RFX8: variants seen among roughly 807,000 people sequenced by gnomAD.
RFX8 encodes the protein regulatory factor X8.
In RFX8, 46 loss-of-function variants were observed where a neutral mutation model predicts 54.6. That is an observed-to-expected ratio of 0.84 (90% CI 0.67 to 1.08). The LOEUF (loss-of-function observed/expected upper bound fraction) is 1.08. RFX8 is among the 50% of genes least tolerant of loss of function. The probability of loss-of-function intolerance (pLI) is 0.00; values close to 1 mark genes in which losing one functional copy is unlikely to be tolerated. For synonymous variants in RFX8, 192 were observed against 209.5 expected (o/e 0.92, Z 0.72); for missense variants, 536 against 562.3 (o/e 0.95, Z 0.47).
At position 101,413,218 on chromosome 2, in the gene RFX8, G is replaced by C. The variant is rs1444667645; in HGVS notation, c.562-147C>G. 12 of 681,686 alleles carry C rather than the reference G, an allele frequency of 1.8e-5. 1 individual carries two copies. The highest frequency in any genetic ancestry group is 3.7e-4 in the Middle Eastern group (1 of 2,712). 42.2% of individuals were successfully genotyped at this position (681,686 alleles called of 1,614,324 possible). A position where few individuals can be genotyped will look rare whatever the true frequency, so the allele number is the denominator to read the frequency against. ...CCCATTAAAAATGAATCTTAAACAA[G>C]AATGAAAAGGTTAAAATTGCACACA... On this transcript the variant is annotated intron_variant, in intron 7 of 11. Transcript: ENST00000428343.
At chr2:101,414,419 C>T (rs1406747201) in intron 7 of RFX8, among the ~76,000 whole-genome samples, 1 of 147,246 alleles carries the variant, frequency 6.8e-6, no homozygotes. Context: ...GCACACACCA[C>T]CATGCCCAGC....
rs527732792 is a variant in RFX8, at chr2:101,454,082, G to A, written c.72+12695C>T. On this transcript the variant is annotated intron_variant, in intron 2 of 11. Coordinates refer to ENST00000428343, the MANE Select transcript of RFX8 (RefSeq NM_001145664.2). Reference sequence around the variant, plus strand: ...CCCCCGACAGGCCCCGGTGTGTGATGTTCCCCTCCCTGTGTTCATGTGCTC... The same window carrying A: ...CCCCCGACAGGCCCCGGTGTGTGATATTCCCCTCCCTGTGTTCATGTGCTC... 4.9e-5 allele frequency among the ~76,000 whole-genome samples: 7 copies of A among 143,586 alleles called. No homozygotes were observed. In the South Asian group the frequency reaches 1.6e-3, roughly 33 times the overall value. 94.2% of individuals were successfully genotyped at this position (143,586 alleles called of 152,430 possible).
chr2:101,474,499 C>G, intron 1 of RFX8, 137 bp downstream of exon 1: 1 of 339,900 alleles, frequency 2.9e-6, no homozygotes, highest in Admixed American at 4.8e-5. Context: ...CCAACCCCCG[C>G]GCCCCGCCGA....
chr2:101,443,770 G>A (rs1004114496), intron 2 of RFX8, among the ~76,000 whole-genome samples: 10 of 152,118 alleles, frequency 6.6e-5, no homozygotes, highest in African/African-American at 2.4e-4. Context: ...CCAAAGAAAA[G>A]CCTGCACTCT....
chr2:101,404,197 A>G (rs919621486), intron 10 of RFX8, among the ~76,000 whole-genome samples: 1 of 152,196 alleles, frequency 6.6e-6, no homozygotes, highest in African/African-American at 2.4e-5. Flanking sequence ...AGCCCTTCAC[A>G]GTTTTTTCCC....
At chr2:101,413,421 G>A (rs1428859521) in intron 7 of RFX8, among the ~76,000 whole-genome samples, 1 of 152,154 alleles carries the variant, frequency 6.6e-6, no homozygotes, top group Non-Finnish European at 1.5e-5. Context: ...AGCCTGCACC[G>A]ATCCTGAGGG....
intron 2 of RFX8, chr2:101,434,700 CCA>C (rs1230912435): frequency 6.6e-6 from 1 of 151,116 alleles, no homozygotes; most frequent in Non-Finnish European, 1.5e-5. Flanking sequence ...CTGTTATTCT[CCA>C]CACATGTATT....
chr2:101,406,279 G>A (rs1333957621), intron 9 of RFX8, among the ~76,000 whole-genome samples: 8 of 151,786 alleles, frequency 5.3e-5, no homozygotes, highest in Admixed American at 3.3e-4. Context: ...AAAGTTGGTG[G>A]AGAGAAGGAG....
At chr2:101,453,288 AATAAATAAAAAG>A (rs1688797896) in intron 2 of RFX8, among the ~76,000 whole-genome samples, 1 of 67,138 alleles carries the variant, frequency 1.5e-5, no homozygotes, top group Non-Finnish European at 3.3e-5. Context: ...AAAAAAAATA[AATAAATAAAAAG>A]AGAGAAAAAA....
Position 101,417,682 on chromosome 2 carries a change from T to A in RFX8, c.354A>T (p.Gly118=). ...FKCYDVQLYK[G]IEDVLLHDFL... ...AGTCATGAAGGAGAACATCCTCAAT[T>A]CCCTACAACAAAAGTAACAAGACAC... The change falls in exon 6 of 12, where the codon GGA becomes GGT. Residue 118 remains glycine (G), a splice_region_variant and synonymous_variant. Coordinates refer to ENST00000428343, the MANE Select transcript of RFX8 (RefSeq NM_001145664.2). 3.2e-6 allele frequency: 5 copies of A among 1,546,034 alleles called. No individual in the cohort carries two copies. Among genetic ancestry groups the A allele is most frequent in the Non-Finnish European group, 4.4e-6 (5 of 1,144,544 alleles).
At chr2:101,439,971 A>G (rs11123880) in intron 2 of RFX8, among the ~76,000 whole-genome samples, 115,117 of 152,106 alleles carry the variant, frequency 0.76, 44,528 homozygotes, top group Middle Eastern at 0.88. Flanking sequence ...GTGGCTATAC[A>G]GTGAGCCTTA....
At chr2:101,424,311 C>T (rs913737900) in intron 2 of RFX8, among the ~76,000 whole-genome samples, 1 of 152,148 alleles carries the variant, frequency 6.6e-6, no homozygotes, top group South Asian at 2.1e-4. Context: ...ATGACAACCA[C>T]AATGAGATAT....
rs529979183 is a variant in RFX8 at position 101,419,796 on chromosome 2, AT to A, written c.238-833del. Among the ~76,000 whole-genome samples, 225 of 152,332 alleles carry A rather than the reference AT, an allele frequency of 1.5e-3. 1 individual carries two copies. Among genetic ancestry groups the A allele is most frequent in the Non-Finnish European group, 2.7e-3 (185 of 68,016 alleles). The stretch of plus-strand genomic sequence containing the variant: ...TGATTTAAAATCCCGTTATCAGGGC[AT>A]TCATTCTAGAGAGGACTTCTCCAAA... On this transcript the variant is annotated intron_variant, in intron 4 of 11. Coordinates refer to ENST00000428343, the MANE Select transcript of RFX8 (RefSeq NM_001145664.2).
intron 2 of RFX8, among the ~76,000 whole-genome samples, chr2:101,423,675 A>T (rs987236058): frequency 6.6e-6 from 1 of 151,938 alleles, no homozygotes; most frequent in African/African-American, 2.4e-5. Flanking sequence ...TAAGCTACTC[A>T]CTTATAGAAT....
At chr2:101,431,985 A>G (rs889896185) in intron 2 of RFX8, among the ~76,000 whole-genome samples, 1 of 152,082 alleles carries the variant, frequency 6.6e-6, no homozygotes, top group Non-Finnish European at 1.5e-5. Context: ...TAATTGGGAG[A>G]CTTTATGTAT....
intron 5 of RFX8, 58 bp from the exon 6 acceptor site, chr2:101,417,742 C>CT: frequency 7.1e-7 from 1 of 1,400,454 alleles, no homozygotes; most frequent in Non-Finnish European, 9.6e-7. Context: ...GTGGCTGAAG[C>CT]TTATGCATGC....
At chr2:101,426,336 C>T (rs755549907) in intron 2 of RFX8, among the ~76,000 whole-genome samples, 3 of 151,228 alleles carry the variant, frequency 2.0e-5, no homozygotes, top group African/African-American at 7.3e-5. Context: ...CCTGTCTCTA[C>T]AAAAAATTAA....
intron 9 of RFX8, among the ~76,000 whole-genome samples, chr2:101,408,930 G>T (rs539376045): frequency 6.6e-5 from 10 of 152,180 alleles, no homozygotes; most frequent in Middle Eastern, 3.2e-3. Context: ...GCCACAACAC[G>T]GCCAGAAGCT....
At chr2:101,450,247 G>A (rs752434338) in intron 2 of RFX8, among the ~76,000 whole-genome samples, 1 of 151,902 alleles carries the variant, frequency 6.6e-6, no homozygotes, top group Non-Finnish European at 1.5e-5. Flanking sequence ...TTGAGACAGG[G>A]TCTCACTCTG....
Sources: allele counts gnomAD v4.1 joint callset (sites outside exome capture counted in the v4.1 genomes callset), GRCh38; gene constraint gnomAD v4.1.1; transcripts MANE v1.5; gene names NCBI Gene and HGNC (gene_info 2026-07-23, HGNC 2026-07-21).